Variants in CNTNAP2 observed in about 807,000 individuals in gnomAD.
The protein encoded by CNTNAP2 is contactin associated protein 2, also known as contactin-associated protein-like 2.
In CNTNAP2, 98 loss-of-function variants were observed where a neutral mutation model predicts 155.2. That is an observed-to-expected ratio of 0.63 (90% CI 0.54 to 0.75). The LOEUF (loss-of-function observed/expected upper bound fraction) is 0.75, where lower values mean the gene tolerates loss of function less well. Among genes scored for constraint, CNTNAP2 ranks in the 30% least tolerant of loss-of-function variants. CNTNAP2 has a pLI of 0.00. For missense variants in CNTNAP2, 1,727 were observed against 1,688.1 expected (o/e 1.02, Z -0.40); for synonymous variants, 651 against 631.2 (o/e 1.03, Z -0.47).
intron 4 of CNTNAP2, chr7:147,082,787 G>A (rs994607975): frequency 3.3e-5 from 5 of 152,258 alleles, no homozygotes; most frequent in African/African-American, 1.2e-4. Flanking sequence ...GGAAGTGTCA[G>A]GGTGGAACAG....
At chr7:147,262,249 C>A (rs879385446) in intron 8 of CNTNAP2, among the ~76,000 whole-genome samples, 3 of 152,246 alleles carry the variant, frequency 2.0e-5, no homozygotes, top group Non-Finnish European at 4.4e-5. Context: ...TACTTGAATG[C>A]GGAAAGACAG....
At chr7:147,128,601 G>A (rs1182376165) in intron 6 of CNTNAP2, 92 bp from the exon 7 acceptor site, 2 of 1,409,540 alleles carry the variant, frequency 1.4e-6, no homozygotes, top group South Asian at 2.3e-5. Flanking sequence ...TTTGGTTGAG[G>A]TATAGATACT....
intron 13 of CNTNAP2, among the ~76,000 whole-genome samples, chr7:147,654,320 T>C (rs1795493407): frequency 6.6e-6 from 1 of 152,242 alleles, no homozygotes; most frequent in Admixed American, 6.5e-5. Flanking sequence ...TGTTTAAATA[T>C]AGGTGTTAGC....
intron 3 of CNTNAP2, among the ~76,000 whole-genome samples, chr7:146,874,307 AAG>A (rs1795375169): frequency 6.6e-6 from 1 of 152,112 alleles, no homozygotes; most frequent in African/African-American, 2.4e-5. Flanking sequence ...AGATAAACAA[AAG>A]AAATTAATTC....
chr7:146,849,231 C>A (rs2129202728), intron 3 of CNTNAP2, among the ~76,000 whole-genome samples: 1 of 152,264 alleles, frequency 6.6e-6, no homozygotes, highest in Non-Finnish European at 1.5e-5. Flanking sequence ...TGCCATTCAT[C>A]ATATAGAGCT....
At chr7:147,516,274 A>T (rs1406320577) in intron 11 of CNTNAP2, among the ~76,000 whole-genome samples, 1 of 152,184 alleles carries the variant, frequency 6.6e-6, no homozygotes, top group Non-Finnish European at 1.5e-5. Flanking sequence ...AAAAAAATAG[A>T]CAAAATTACT....
intron 3 of CNTNAP2, among the ~76,000 whole-genome samples, chr7:146,953,381 T>C (rs1797362078): frequency 6.6e-6 from 1 of 151,956 alleles, no homozygotes; most frequent in Admixed American, 6.6e-5. Flanking sequence ...TTTCTCATGT[T>C]TAACGAGATG....
intron 13 of CNTNAP2, among the ~76,000 whole-genome samples, chr7:147,693,589 C>G (rs546457894): frequency 4.2e-4 from 64 of 151,506 alleles, no homozygotes; most frequent in South Asian, 1.0e-3. Context: ...TTTCGGGGGG[C>G]GCTGATATAA....
intron 1 of CNTNAP2, among the ~76,000 whole-genome samples, chr7:146,597,591 C>T (rs347182): frequency 0.03 from 4,495 of 151,980 alleles, 233 homozygotes; most frequent in African/African-American, 0.1. Flanking sequence ...CCTTTGTCTT[C>T]CCAGAACCTT....
chr7:146,681,428 G>A (rs114753318), intron 1 of CNTNAP2, among the ~76,000 whole-genome samples: 2 of 105,064 alleles, frequency 1.9e-5, no homozygotes, highest in African/African-American at 3.8e-5. Flanking sequence ...TCCTGTGGGT[G>A]GGGGGTGGAG....
intron 3 of CNTNAP2, among the ~76,000 whole-genome samples, chr7:147,003,228 G>A (rs547300782): frequency 3.3e-5 from 5 of 152,024 alleles, no homozygotes; most frequent in South Asian, 2.1e-4. Flanking sequence ...AATCAATTCC[G>A]ATAGAACTGA....
At chr7:146,727,594 T>C (rs985855408) in intron 1 of CNTNAP2, among the ~76,000 whole-genome samples, 1 of 152,166 alleles carries the variant, frequency 6.6e-6, no homozygotes, top group African/African-American at 2.4e-5. Context: ...ACGTACATGT[T>C]TCCCAATTGC....
At chr7:146,447,169 G>A (rs910312043) in intron 1 of CNTNAP2, among the ~76,000 whole-genome samples, 1 of 151,886 alleles carries the variant, frequency 6.6e-6, no homozygotes, top group African/African-American at 2.4e-5. Flanking sequence ...AACATTTGGG[G>A]GAACAAATGG....
At chr7:146,763,131 C>T (rs552233064) in intron 1 of CNTNAP2, among the ~76,000 whole-genome samples, 21 of 152,318 alleles carry the variant, frequency 1.4e-4, no homozygotes, top group African/African-American at 5.1e-4. Flanking sequence ...CTTCTGCAGT[C>T]TCTCTGGCCA....
rs1386547927 is a variant in CNTNAP2, at chr7:146,812,445, A to ATAT, written c.209-27266_209-27265insTAT. On this transcript the variant is annotated intron_variant, in intron 2 of 23. Coordinates refer to ENST00000361727, the MANE Select transcript of CNTNAP2 (RefSeq NM_014141.6). ...CTTTTATATGTATATATATATAAAAAATATATATATATATATATTTATACT... is the reference window on the plus strand; with the variant it reads ...CTTTTATATGTATATATATATAAAAATATATATATATATATATATATTTATACT... 1.8e-3 allele frequency among the ~76,000 whole-genome samples: 263 copies of ATAT among 144,522 alleles called. 1 individual carries two copies. The highest frequency in any genetic ancestry group is 5.5e-3 in the African/African-American group (216 of 39,016). The allele number at this position is 144,522 out of a possible 152,430, so 94.8% of individuals were successfully genotyped here. A position where few individuals can be genotyped will look rare whatever the true frequency, so the allele number is the denominator to read the frequency against.
chr7:146,564,109 CTGA>C (rs1370183538), intron 1 of CNTNAP2, among the ~76,000 whole-genome samples: 1 of 152,120 alleles, frequency 6.6e-6, no homozygotes. Flanking sequence ...GAAGTTCTGG[CTGA>C]TATTTAGAAG....
intron 1 of CNTNAP2, among the ~76,000 whole-genome samples, chr7:146,424,888 ACT>A (rs372302514): frequency 1.2e-3 from 182 of 152,338 alleles, no homozygotes; most frequent in African/African-American, 4.2e-3. Context: ...TCATTAAAAC[ACT>A]GTCAATAAAC....
intron 13 of CNTNAP2, among the ~76,000 whole-genome samples, chr7:147,732,190 C>CT (rs398006718): frequency 7.0e-6 from 1 of 143,560 alleles, no homozygotes; most frequent in Non-Finnish European, 1.5e-5. Flanking sequence ...CTCCCCCCCC[C>CT]ACCACCCCCA....
intron 3 of CNTNAP2, among the ~76,000 whole-genome samples, chr7:146,868,087 T>A (rs147277356): frequency 1.3e-3 from 204 of 152,274 alleles, no homozygotes; most frequent in African/African-American, 4.5e-3. Flanking sequence ...TGTTGTGAAA[T>A]ATATGCCCAT....
Sources: allele counts gnomAD v4.1 joint callset (sites outside exome capture counted in the v4.1 genomes callset), GRCh38; gene constraint gnomAD v4.1.1; transcripts MANE v1.5; gene names NCBI Gene and HGNC (gene_info 2026-07-23, HGNC 2026-07-21).